TXNDC11: variants seen among roughly 807,000 people sequenced by gnomAD.
TXNDC11 encodes the protein thioredoxin domain containing 11.
In TXNDC11, 68 loss-of-function variants were observed where a neutral mutation model predicts 78.0. The ratio of observed to expected loss-of-function variants is 0.87; its 90% CI spans 0.72 to 1.07. The LOEUF (loss-of-function observed/expected upper bound fraction) is 1.07, where lower values mean the gene tolerates loss of function less well. Ranked by LOEUF, TXNDC11 falls within the 50% of genes least tolerant of loss-of-function variation. The pLI, the probability that TXNDC11 is intolerant of heterozygous loss-of-function variation, is 0.00. For synonymous variants in TXNDC11, 571 were observed against 495.2 expected, an observed-to-expected ratio of 1.15 and a Z score of -2.03; for missense variants, 1,389 against 1,221.8, an observed-to-expected ratio of 1.14 and a Z score of -2.04.
intron 10 of TXNDC11, among the ~76,000 whole-genome samples, chr16:11,687,173 C>A (rs1049861365): frequency 6.6e-6 from 1 of 152,176 alleles, no homozygotes; most frequent in Non-Finnish European, 1.5e-5. Flanking sequence ...ATTTTTCCAA[C>A]TGCTTCCACT....
intron 4 of TXNDC11, among the ~76,000 whole-genome samples, chr16:11,727,438 C>T (rs776876612): frequency 1.3e-5 from 2 of 152,124 alleles, no homozygotes; most frequent in African/African-American, 2.4e-5. Flanking sequence ...ATACTGAAAT[C>T]CATATTGATA....
chr16:11,700,710 A>G (rs1047912547), intron 5 of TXNDC11, 146 bp from the exon 6 acceptor site: 3 of 577,424 alleles, frequency 5.2e-6, no homozygotes, highest in Admixed American at 3.2e-5. Flanking sequence ...AGAGGCGCTG[A>G]GGAACCTCTC....
Position 11,691,915 on chromosome 16 carries a change from G to T in TXNDC11, c.1275C>A (p.Asn425Lys). The T allele has an allele frequency of 1.9e-6, 3 of 1,613,766 alleles. No homozygotes were observed. The highest frequency in any genetic ancestry group is 2.5e-6 in the Non-Finnish European group (3 of 1,179,618). Residue 425 changes from asparagine to lysine, a missense_variant, in exon 8 of 12, where the codon AAC becomes AAA. By Grantham distance (94) the Asn-to-Lys change is moderately conservative (BLOSUM62 0). Transcript: ENST00000283033. ...AGTGCCACTGGGGCAGCACCACAGTGTTGCAGCAGGGGGACGCTGTGATCG... is the reference window on the plus strand; with the variant it reads ...AGTGCCACTGGGGCAGCACCACAGTTTTGCAGCAGGGGGACGCTGTGATCG... Reference protein sequence around the residue: ...PPTITASPCCNTVVLPQWHSF... With the variant: ...PPTITASPCCKTVVLPQWHSF...
chr16:11,701,551 T>G (rs769728236), intron 5 of TXNDC11, among the ~76,000 whole-genome samples: 8 of 152,108 alleles, frequency 5.3e-5, no homozygotes, highest in Non-Finnish European at 1.0e-4. Context: ...AAATATTTAT[T>G]AAATGAACAA....
At chr16:11,725,389 G>T (rs1043103058) in intron 4 of TXNDC11, among the ~76,000 whole-genome samples, 2 of 150,910 alleles carry the variant, frequency 1.3e-5, no homozygotes, top group Non-Finnish European at 2.9e-5. Flanking sequence ...CCAAATTAAG[G>T]AGCCAACATC....
chr16:11,698,547 G>A (rs1401245194), intron 6 of TXNDC11, among the ~76,000 whole-genome samples: 6 of 152,218 alleles, frequency 3.9e-5, no homozygotes, highest in Non-Finnish European at 7.3e-5. Context: ...CTTCCATATC[G>A]TGTGATTCAT....
At chr16:11,693,310 T>C (rs1475840952) in intron 7 of TXNDC11, among the ~76,000 whole-genome samples, 2 of 152,222 alleles carry the variant, frequency 1.3e-5, no homozygotes, top group Non-Finnish European at 2.9e-5. Flanking sequence ...GAATATTTCG[T>C]TACCCACCTC....
intron 7 of TXNDC11, among the ~76,000 whole-genome samples, chr16:11,696,346 T>G (rs1267060871): frequency 2.0e-5 from 3 of 152,208 alleles, no homozygotes; most frequent in African/African-American, 7.2e-5. Context: ...GAACCCCGCT[T>G]TCTGAGATGG....
chr16:11,723,539 C>T (rs934560199), intron 4 of TXNDC11, among the ~76,000 whole-genome samples: 4 of 151,878 alleles, frequency 2.6e-5, no homozygotes, highest in African/African-American at 4.8e-5. Flanking sequence ...GAGCCAAGAT[C>T]GTGCCACTGC....
chr16:11,729,257 C>G (rs1419191816), intron 4 of TXNDC11, among the ~76,000 whole-genome samples: 3 of 152,166 alleles, frequency 2.0e-5, no homozygotes, highest in Non-Finnish European at 2.9e-5. Context: ...CCAAAGGGAT[C>G]AGGCCCCAGT....
At chr16:11,742,226 C>G in intron 1 of TXNDC11, 1 of 425,124 alleles carries the variant, frequency 2.4e-6, no homozygotes, top group Non-Finnish European at 4.1e-6. Context: ...CCCGACCCGC[C>G]TCCCTCGGCA....
At chr16:11,692,959 G>T (rs564115223) in intron 7 of TXNDC11, among the ~76,000 whole-genome samples, 3 of 152,134 alleles carry the variant, frequency 2.0e-5, no homozygotes, top group Admixed American at 2.0e-4. Context: ...CTGCTTCAGG[G>T]AAGCTAGTCC....
At chr16:11,710,185 T>G (rs2051307518) in intron 5 of TXNDC11, among the ~76,000 whole-genome samples, 1 of 134,956 alleles carries the variant, frequency 7.4e-6, no homozygotes, top group South Asian at 2.5e-4. Flanking sequence ...TTCCCTTGTA[T>G]GCACTTCAAT....
At chr16:11,733,150 G>A (rs1385248493) in intron 3 of TXNDC11, among the ~76,000 whole-genome samples, 6 of 152,106 alleles carry the variant, frequency 3.9e-5, no homozygotes, top group Admixed American at 2.0e-4. Context: ...CCAGCTACTC[G>A]GGAGGCTGAG....
At chr16:11,715,171 G>T (rs1189412988) in intron 5 of TXNDC11, among the ~76,000 whole-genome samples, 2 of 152,208 alleles carry the variant, frequency 1.3e-5, no homozygotes, top group South Asian at 2.1e-4. Context: ...AGAATTGCTT[G>T]AACCCGGGAG....
intron 5 of TXNDC11, among the ~76,000 whole-genome samples, chr16:11,720,883 A>G (rs1330098967): frequency 6.6e-6 from 1 of 151,688 alleles, no homozygotes; most frequent in East Asian, 2.0e-4. Context: ...CTGGGATTAC[A>G]GGTGTGTACC....
chr16:11,705,424 G>C (rs1056290039), intron 5 of TXNDC11, among the ~76,000 whole-genome samples: 3 of 152,200 alleles, frequency 2.0e-5, no homozygotes, highest in Admixed American at 6.5e-5. Flanking sequence ...ACCAAAGAGA[G>C]GACGTGATTT....
chr16:11,701,283 T>C (rs927062017), intron 5 of TXNDC11, among the ~76,000 whole-genome samples: 4 of 151,794 alleles, frequency 2.6e-5, no homozygotes, highest in Admixed American at 1.3e-4. Context: ...ATTACAGGCG[T>C]GTGCCACCAC....
intron 5 of TXNDC11, among the ~76,000 whole-genome samples, chr16:11,710,929 G>T (rs1036043168): frequency 6.6e-6 from 1 of 152,130 alleles, no homozygotes. Flanking sequence ...TAGAAACCAA[G>T]ACAGGCTGCT....
Sources: gnomAD v4.1 joint callset for allele counts (sites outside exome capture counted in the v4.1 genomes callset) on GRCh38, gnomAD v4.1.1 for gene constraint, MANE v1.5 for transcripts, NCBI Gene and HGNC (gene_info 2026-07-23, HGNC 2026-07-21) for gene names.